MED15: variants seen among roughly 807,000 people sequenced by gnomAD.
MED15 encodes mediator complex subunit 15.
MED15 carries 41 observed loss-of-function variants against 118.7 expected under a neutral mutation model. That is an observed-to-expected ratio of 0.35 (90% CI 0.27 to 0.45). MED15 has a LOEUF of 0.45. Ranked by LOEUF, MED15 falls within the 20% of genes least tolerant of loss-of-function variation. The pLI is 1.00. For missense variants in MED15, 740 were observed against 1,025.5 expected (o/e 0.72, Z 3.80); for synonymous variants, 436 against 413.9 (o/e 1.05, Z -0.65).
At chr22:20,532,648 A>G (rs1354575015) in intron 1 of MED15, among the ~76,000 whole-genome samples, 1 of 152,196 alleles carries the variant, frequency 6.6e-6, no homozygotes, top group Non-Finnish European at 1.5e-5. Flanking sequence ...GCTGGTCGCA[A>G]CCAGGGAGTG....
intron 2 of MED15, 141 bp downstream of exon 2, chr22:20,537,345 T>C: frequency 1.5e-6 from 1 of 654,142 alleles, no homozygotes; most frequent in South Asian, 1.9e-5. Context: ...CACAGTTGGT[T>C]TTGCCTGCAG....
At chr22:20,523,453 T>C (rs973467155) in intron 1 of MED15, among the ~76,000 whole-genome samples, 19 of 152,128 alleles carry the variant, frequency 1.2e-4, no homozygotes, top group African/African-American at 4.3e-4. Flanking sequence ...TAGCAACATA[T>C]GGCCAGTGTT....
chr22:20,525,768 T>A (rs1312572562), intron 1 of MED15, among the ~76,000 whole-genome samples: 1 of 151,934 alleles, frequency 6.6e-6, no homozygotes, highest in African/African-American at 2.4e-5. Context: ...ACTCCCCACC[T>A]CAGGTGATCC....
intron 7 of MED15, among the ~76,000 whole-genome samples, chr22:20,567,875 T>C (rs974272018): frequency 6.6e-6 from 1 of 151,990 alleles, no homozygotes; most frequent in African/African-American, 2.4e-5. Context: ...CACTTTTTTC[T>C]TTTGAAGACA....
intron 1 of MED15, among the ~76,000 whole-genome samples, chr22:20,531,348 T>C (rs796625345): frequency 2.0e-5 from 3 of 152,350 alleles, no homozygotes; most frequent in African/African-American, 7.2e-5. Flanking sequence ...AGTGGGCCTC[T>C]CCTCACTGCC....
intron 2 of MED15, among the ~76,000 whole-genome samples, chr22:20,541,338 C>G (rs968313591): frequency 3.3e-5 from 5 of 152,042 alleles, no homozygotes; most frequent in Non-Finnish European, 7.4e-5. Flanking sequence ...TACAAATGGC[C>G]AACAACCATG....
intron 5 of MED15, among the ~76,000 whole-genome samples, chr22:20,561,196 T>A (rs989029766): frequency 6.6e-6 from 1 of 151,732 alleles, no homozygotes; most frequent in Non-Finnish European, 1.5e-5. Flanking sequence ...CCAACAAAAA[T>A]GCAATCAAAA....
In MED15 at chr22:20,585,188, G is replaced by A; in HGVS notation, c.2052G>A (p.Arg684=). The A allele has an allele frequency of 6.2e-7, 1 of 1,613,818 alleles. No homozygotes were observed. The highest frequency in any genetic ancestry group is 8.5e-7 in the Non-Finnish European group (1 of 1,180,026). Residue 684 remains arginine, a synonymous_variant, in exon 16 of 18, where the codon AGG becomes AGA. Coordinates refer to ENST00000263205, the MANE Select transcript of MED15 (RefSeq NM_001003891.3). ...IPSVLQGEVA[R]LDPKFLVNLD... ...GTGTGCTCCAGGGTGAGGTGGCCAG[G>A]CTGGACCCCAAGTTCCTGGTAAACC...
At chr22:20,521,753 TCTTTC>T (rs2054471297) in intron 1 of MED15, among the ~76,000 whole-genome samples, 1 of 150,544 alleles carries the variant, frequency 6.6e-6, no homozygotes. Context: ...TGAGACAGAG[TCTTTC>T]TCTGTTGCCT....
intron 1 of MED15, among the ~76,000 whole-genome samples, chr22:20,527,935 C>T (rs372325575): frequency 4.3e-5 from 6 of 139,958 alleles, no homozygotes; most frequent in Admixed American, 2.3e-4. Flanking sequence ...CCAGCCTGGG[C>T]GACAGAGCTA....
At chr22:20,575,018 C>T (rs2056780043) in intron 8 of MED15, 95 bp from the exon 9 acceptor site, 1 of 1,558,120 alleles carries the variant, frequency 6.4e-7, no homozygotes, top group African/African-American at 1.3e-5. Flanking sequence ...CCCTGGTGCT[C>T]CTTCTTGCAG....
chr22:20,577,515 T>A (rs757931532), intron 9 of MED15, among the ~76,000 whole-genome samples: 2 of 151,482 alleles, frequency 1.3e-5, no homozygotes, highest in Non-Finnish European at 2.9e-5. Context: ...CTAATAGGTC[T>A]CTCTCTCTCT....
intron 1 of MED15, among the ~76,000 whole-genome samples, chr22:20,531,020 C>G (rs74434132): frequency 6.6e-6 from 1 of 152,264 alleles, no homozygotes; most frequent in South Asian, 2.1e-4. Context: ...TAACTACTAT[C>G]ATCCTCAGGG....
intron 5 of MED15, among the ~76,000 whole-genome samples, chr22:20,563,201 T>C (rs890092128): frequency 6.6e-6 from 1 of 152,226 alleles, no homozygotes; most frequent in African/African-American, 2.4e-5. Context: ...CACTCTTGGG[T>C]ATTTTTCCTA....
intron 9 of MED15, among the ~76,000 whole-genome samples, chr22:20,579,643 C>T (rs991377934): frequency 1.3e-5 from 2 of 152,180 alleles, no homozygotes. Flanking sequence ...CTGGCCCACT[C>T]GGTGTCCACC....
rs550921032 is a variant in MED15 at position 20,586,016 on chromosome 22, A to C, written c.2230+190A>C. On this transcript the variant is annotated intron_variant, in intron 17 of 17. Transcript: ENST00000263205. ...GTTTTCCAGTGGTCGCCTGAGAGAA[A>C]AGGGTCTCTGCTCCCACTGTGTCCC... Among the ~76,000 whole-genome samples the C allele has an allele frequency of 1.3e-4, 20 of 152,272 alleles. No homozygotes were observed. The South Asian group carries it at 3.9e-3, about 30-fold the overall frequency.
Position 20,585,105 on chromosome 22 carries a change from C to G in MED15, c.1969C>G (p.Pro657Ala), listed in dbSNP as rs1365810937. The change falls in exon 16 of 18, where the codon CCA (proline) becomes GCA (alanine). Residue 657 changes from proline to alanine, a missense_variant. Physicochemically the swap from Pro to Ala is conservative, Grantham distance 27. This residue lies in a region of MED15 where 179 missense variants were observed against 259.0 expected (regional missense o/e 0.69). Coordinates refer to ENST00000263205, the MANE Select transcript of MED15 (RefSeq NM_001003891.3). Reference sequence around the variant, plus strand: ...GTCACCATGCCGCCTCCCCAGGGCCCCAGTGGTGTGCACCCGGAAGCGCAG... The same window carrying G: ...GTCACCATGCCGCCTCCCCAGGGCCGCAGTGGTGTGCACCCGGAAGCGCAG... ...TAIHGPPITA[P>A]VVCTRKRRLE... 1 of 1,613,672 alleles carries G rather than the reference C, an allele frequency of 6.2e-7. No individual in the cohort carries two copies.
At chr22:20,553,354 TC>T (rs1385240010) in intron 4 of MED15, among the ~76,000 whole-genome samples, 180 bp downstream of exon 4, 1 of 151,810 alleles carries the variant, frequency 6.6e-6, no homozygotes, top group Non-Finnish European at 1.5e-5. Flanking sequence ...GCCTTCGTCT[TC>T]CTGCAGACTG....
Position 20,575,216 on chromosome 22 carries a change from G to A in MED15, c.1256G>A (p.Arg419Lys). 6.2e-7 allele frequency: 1 copy of A among 1,613,914 alleles called. No individual in the cohort carries two copies. Among genetic ancestry groups the A allele is most frequent in the Non-Finnish European group, 8.5e-7 (1 of 1,180,030 alleles). ...CCGTCAAGCTCCATCCCTTTGGGCAGACAGCCCATGGCACAGGTATTTACG... is the reference window on the plus strand; with the variant it reads ...CCGTCAAGCTCCATCCCTTTGGGCAAACAGCCCATGGCACAGGTATTTACG... Reference protein sequence around the residue: ...AIPSSSIPLGRQPMAQVSQSS... With the variant: ...AIPSSSIPLGKQPMAQVSQSS... Residue 419 changes from arginine to lysine, a missense_variant, in exon 9 of 18, where the codon AGA (arginine) becomes AAA (lysine). By Grantham distance (26) the Arg-to-Lys change is conservative. Coordinates refer to ENST00000263205, the MANE Select transcript of MED15 (RefSeq NM_001003891.3).
Sources: gnomAD v4.1 joint callset for allele counts (sites outside exome capture counted in the v4.1 genomes callset) on GRCh38, gnomAD v4.1.1 for gene constraint, gnomAD v4.1.1 regional missense constraint, MANE v1.5 for transcripts, NCBI Gene and HGNC (gene_info 2026-07-23, HGNC 2026-07-21) for gene names.